The following PHKA2 variants were observed in gnomAD, a reference collection of about 807,000 sequenced individuals.
PHKA2 encodes phosphorylase kinase regulatory subunit alpha 2, also known as phosphorylase b kinase regulatory subunit alpha, liver isoform.
A neutral mutation model predicts 102.0 loss-of-function variants in PHKA2; 31 were observed. That is an observed-to-expected ratio of 0.30 (90% CI 0.23 to 0.41). PHKA2 has a LOEUF of 0.41. PHKA2 is among the 10% of genes least tolerant of loss of function. PHKA2 has a pLI of 1.00. For missense variants in PHKA2, 858 were observed against 1,023.1 expected, an observed-to-expected ratio of 0.84 and a Z score of 2.20; for synonymous variants, 455 against 416.2, an observed-to-expected ratio of 1.09 and a Z score of -1.13.
At chrX:18,954,504 G>A (rs752435284) in intron 1 of PHKA2, 92 bp from the exon 2 acceptor site, 112 of 908,488 alleles carry the variant, frequency 1.2e-4, no homozygotes, top group Non-Finnish European at 1.7e-4. Context: ...GATGAGGACC[G>A]GGACCTGGAG....
chrX:18,905,044 G>T (rs1403581885), intron 26 of PHKA2, among the ~76,000 whole-genome samples: 1 of 111,644 alleles, frequency 9.0e-6, no homozygotes, highest in Non-Finnish European at 1.9e-5. Flanking sequence ...TCACAGAGGG[G>T]TCTCCTCCCT....
intron 1 of PHKA2, among the ~76,000 whole-genome samples, chrX:18,978,050 G>A (rs1437309076): frequency 4.5e-5 from 5 of 110,912 alleles, no homozygotes; most frequent in South Asian, 3.8e-4. Context: ...CCAGGTACTC[G>A]GGAGGCTGAG....
At chrX:18,970,832 CTAT>C (rs200745731) in intron 1 of PHKA2, among the ~76,000 whole-genome samples, 1,543 of 112,574 alleles carry the variant, frequency 0.014, 24 homozygotes, top group African/African-American at 0.048. Flanking sequence ...CTTAGTTATA[CTAT>C]GTTTCCCATC....
intron 8 of PHKA2, 106 bp from the exon 9 acceptor site, chrX:18,940,154 T>A (rs2048468835): frequency 1.7e-6 from 1 of 576,879 alleles, no homozygotes; most frequent in Admixed American, 2.4e-5. Flanking sequence ...TAATGAATTT[T>A]ATACCAAGTG....
At chrX:18,924,660 T>C (rs963238461) in intron 15 of PHKA2, 135 bp from the exon 16 acceptor site, 1 of 604,368 alleles carries the variant, frequency 1.7e-6, no homozygotes, top group African/African-American at 2.2e-5. Context: ...ATCCACCCAG[T>C]CATGGGGCTG....
At position 18,892,635 on chromosome X, in the gene PHKA2, C is replaced by T. The variant is rs1048644358; in HGVS notation, c.*850G>A. 8.9e-6 allele frequency: 1 copy of T among 112,388 alleles called. No homozygotes were observed. The highest frequency in any genetic ancestry group is 3.2e-5 in the African/African-American group (1 of 30,889). The allele number at this position is 112,388 out of a possible 1,213,427, so 9.3% of individuals were successfully genotyped here. ...TTGTGCTCACCCTATGACGCCTCGC[C>T]CAGAGCACAGGAGGACAGTATCCAC... On this transcript the variant is annotated 3_prime_UTR_variant, in exon 33 of 33. Coordinates refer to ENST00000379942, the MANE Select transcript of PHKA2 (RefSeq NM_000292.3).
chrX:18,943,632 G>A, intron 7 of PHKA2, 78 bp downstream of exon 7: 1 of 797,233 alleles, frequency 1.3e-6, no homozygotes, highest in Non-Finnish European at 1.9e-6. Flanking sequence ...CCAGCAAGGT[G>A]GGGAATCTGC....
intron 5 of PHKA2, among the ~76,000 whole-genome samples, chrX:18,946,565 TTA>T (rs1364522184): frequency 2.7e-5 from 3 of 110,485 alleles, no homozygotes; most frequent in African/African-American, 9.9e-5. Flanking sequence ...TAAGATCCAC[TTA>T]TGTTCTACTC....
In PHKA2 at chrX:18,964,009, T is replaced by C. The variant is rs73636693; in HGVS notation, c.79-9597A>G. On this transcript the variant is annotated intron_variant, in intron 1 of 32. Coordinates refer to ENST00000379942, the MANE Select transcript of PHKA2 (RefSeq NM_000292.3). ...TTTCTGTGTCTCTAGGTCACAGACC[T>C]AGAATTCGAAGATTTCTGCACTCCT... Among the ~76,000 whole-genome samples, 512 of 110,751 alleles carry C rather than the reference T, an allele frequency of 4.6e-3. 2 individuals carry two copies. Among genetic ancestry groups the C allele is most frequent in the African/African-American group, 0.017 (505 of 30,445 alleles).
intron 10 of PHKA2, 120 bp downstream of exon 10, chrX:18,938,507 A>T: frequency 1.4e-6 from 1 of 716,063 alleles, no homozygotes; most frequent in Non-Finnish European, 2.2e-6. Context: ...AAAGTTTGCT[A>T]AGTGGGAACA....
Position 18,892,362 on chromosome X carries a change from C to T in PHKA2, c.*1123G>A, listed in dbSNP as rs1461852941. On this transcript the variant is annotated 3_prime_UTR_variant, in exon 33 of 33. Transcript: ENST00000379942. ...GTTTTCCCATTGGTTTTGTTTCCTT[C>T]CCCCAAGGTAAGACAATGCCCGGAG... 8.9e-6 allele frequency: 1 copy of T among 112,581 alleles called. No homozygotes were observed. Among genetic ancestry groups the T allele is most frequent in the African/African-American group, 3.2e-5 (1 of 30,977 alleles). 9.3% of individuals were successfully genotyped at this position (112,581 alleles called of 1,213,427 possible). A position where few individuals can be genotyped will look rare whatever the true frequency, so the allele number is the denominator to read the frequency against.
intron 27 of PHKA2, 116 bp from the exon 28 acceptor site, chrX:18,900,815 C>G (rs2047666776): frequency 1.2e-5 from 7 of 598,026 alleles, no homozygotes; most frequent in Middle Eastern, 3.0e-4. Context: ...AGGGGGTGAC[C>G]CATGAGTGCA....
chrX:18,975,313 A>G (rs1354314536), intron 1 of PHKA2, among the ~76,000 whole-genome samples: 1 of 111,267 alleles, frequency 9.0e-6, no homozygotes, highest in Non-Finnish European at 1.9e-5. Flanking sequence ...GATGGTATAA[A>G]AAGGGGAGTT....
At chrX:18,932,736 T>A (rs1244515825) in intron 11 of PHKA2, among the ~76,000 whole-genome samples, 1 of 110,981 alleles carries the variant, frequency 9.0e-6, no homozygotes, top group Admixed American at 9.7e-5. Flanking sequence ...TTCTACAGAA[T>A]CCTAGATGTT....
chrX:18,969,647 A>G (rs924753666), intron 1 of PHKA2, among the ~76,000 whole-genome samples: 3 of 111,315 alleles, frequency 2.7e-5, no homozygotes, highest in Non-Finnish European at 5.6e-5. Context: ...CAACACAGTG[A>G]AAAAAGGCAA....
At chrX:18,922,168 C>T (rs951655145) in intron 17 of PHKA2, among the ~76,000 whole-genome samples, 1 of 111,496 alleles carries the variant, frequency 9.0e-6, no homozygotes, top group Non-Finnish European at 1.9e-5. Context: ...ATTGCTTGAA[C>T]CTGGGGGGTG....
intron 1 of PHKA2, among the ~76,000 whole-genome samples, chrX:18,958,804 G>C (rs2048823047): frequency 9.0e-6 from 1 of 111,024 alleles, no homozygotes; most frequent in Admixed American, 9.6e-5. Context: ...CTGTCTCGGG[G>C]ATTCAAGCGA....
chrX:18,983,718 T>C (rs2049216016), intron 1 of PHKA2, 137 bp downstream of exon 1: 1 of 572,342 alleles, frequency 1.7e-6, no homozygotes, highest in Non-Finnish European at 3.1e-6. Flanking sequence ...TGGTAATCAC[T>C]GGCTAGCAAG....
intron 2 of PHKA2, among the ~76,000 whole-genome samples, chrX:18,952,900 G>A (rs1234233509): frequency 2.7e-5 from 3 of 111,908 alleles, no homozygotes; most frequent in African/African-American, 9.8e-5. Flanking sequence ...AGTCCACCAC[G>A]CCTGCCCAAA....
Sources: allele counts gnomAD v4.1 joint callset (sites outside exome capture counted in the v4.1 genomes callset), GRCh38; gene constraint gnomAD v4.1.1; transcripts MANE v1.5; gene names NCBI Gene and HGNC (gene_info 2026-07-23, HGNC 2026-07-21).